MSH3: variants seen among roughly 807,000 people sequenced by gnomAD.
MSH3 encodes DNA mismatch repair protein Msh3.
In MSH3, 106 loss-of-function variants were observed where a neutral mutation model predicts 123.3. The observed-to-expected ratio is 0.86, with a 90% CI of 0.73 to 1.01. MSH3 has a LOEUF of 1.01. Ranked by LOEUF, MSH3 falls within the 50% of genes least tolerant of loss-of-function variation. The pLI is 0.00. For synonymous variants in MSH3, 515 were observed against 481.4 expected, an observed-to-expected ratio of 1.07 and a Z score of -0.91; for missense variants, 1,459 against 1,347.6, an observed-to-expected ratio of 1.08 and a Z score of -1.29.
In MSH3 at chr5:80,783,766, T is replaced by C. The variant is rs1744449616; in HGVS notation, c.2436-3799T>C. ...TTTGTTACTGCTAAAGCTTTGATAC[T>C]CATGTCCAGAGAGGCAAGGGCAGAA... On this transcript the variant is annotated intron_variant, in intron 17 of 23. Coordinates refer to ENST00000265081, the MANE Select transcript of MSH3 (RefSeq NM_002439.5). Among the ~76,000 whole-genome samples, 4 of 152,160 alleles carry C rather than the reference T, an allele frequency of 2.6e-5. No homozygotes were observed. The South Asian group carries it at 8.3e-4, about 32-fold the overall frequency.
chr5:80,725,439 C>T lies in MSH3; in HGVS notation c.1341-14C>T. On this transcript the variant is annotated splice_polypyrimidine_tract_variant and intron_variant, in intron 8 of 23. Coordinates refer to ENST00000265081, the MANE Select transcript of MSH3 (RefSeq NM_002439.5). ...TGGATAAGTTATCTTTGAAATTTTC[C>T]TTTTTTCTTTCAGTGTGCAGGATGA... 1 of 1,595,776 alleles carries T rather than the reference C, an allele frequency of 6.3e-7. No individual in the cohort carries two copies. The highest frequency in any genetic ancestry group is 8.6e-7 in the Non-Finnish European group (1 of 1,164,282).
intron 12 of MSH3, among the ~76,000 whole-genome samples, chr5:80,747,346 C>T (rs1276793770): frequency 2.0e-5 from 3 of 151,858 alleles, no homozygotes; most frequent in Non-Finnish European, 2.9e-5. Context: ...TGTTGTTAGG[C>T]GCCGAATCAT....
intron 8 of MSH3, among the ~76,000 whole-genome samples, chr5:80,716,635 G>A (rs1750967354): frequency 6.6e-6 from 1 of 151,898 alleles, no homozygotes; most frequent in Admixed American, 6.6e-5. Flanking sequence ...TATTTATGGG[G>A]TACATGTGAT....
chr5:80,691,948 T>TATAGATAAACATGTATATGTTTAG (rs1750273485), intron 8 of MSH3, among the ~76,000 whole-genome samples: 1 of 82,786 alleles, frequency 1.2e-5, no homozygotes, highest in African/African-American at 4.0e-5. Flanking sequence ...TATATGTTTA[T>TATAGATAAACATGTATATGTTTAG]ATAGATAAAC....
At chr5:80,684,065 C>T (rs1750030662) in intron 8 of MSH3, among the ~76,000 whole-genome samples, 1 of 152,094 alleles carries the variant, frequency 6.6e-6, no homozygotes, top group East Asian at 1.9e-4. Context: ...ATGCCAGTAC[C>T]ATGCCATTTT....
intron 12 of MSH3, among the ~76,000 whole-genome samples, chr5:80,752,178 A>G (rs1047884898): frequency 2.6e-5 from 4 of 152,046 alleles, no homozygotes; most frequent in African/African-American, 9.7e-5. Context: ...CTAGGAAGAA[A>G]GAAGCAGAGG....
chr5:80,724,671 A>G (rs1362195564), intron 8 of MSH3, among the ~76,000 whole-genome samples: 1 of 152,218 alleles, frequency 6.6e-6, no homozygotes, highest in Non-Finnish European at 1.5e-5. Flanking sequence ...CTAATTTACT[A>G]TATTTGACTG....
chr5:80,824,280 G>T (rs538636770), intron 20 of MSH3, among the ~76,000 whole-genome samples: 4 of 152,204 alleles, frequency 2.6e-5, no homozygotes, highest in African/African-American at 9.6e-5. Flanking sequence ...CCGGGCAGAG[G>T]CGCCCCTCAC....
chr5:80,823,033 G>A (rs773985336), intron 20 of MSH3, among the ~76,000 whole-genome samples: 1 of 152,174 alleles, frequency 6.6e-6, no homozygotes, highest in Non-Finnish European at 1.5e-5. Context: ...CTTGGTCCTG[G>A]TGGGTAGTGT....
At chr5:80,716,294 T>C (rs906249801) in intron 8 of MSH3, among the ~76,000 whole-genome samples, 4 of 152,238 alleles carry the variant, frequency 2.6e-5, no homozygotes, top group Non-Finnish European at 4.4e-5. Flanking sequence ...CAGTAAACTT[T>C]TATTTAGAGT....
chr5:80,717,256 C>A (rs182581605), intron 8 of MSH3, among the ~76,000 whole-genome samples: 2 of 152,244 alleles, frequency 1.3e-5, no homozygotes, highest in East Asian at 1.9e-4. Flanking sequence ...TGTAATAGTT[C>A]TATTTTTATT....
chr5:80,783,900 C>G (rs776455810), intron 17 of MSH3, among the ~76,000 whole-genome samples: 4 of 152,110 alleles, frequency 2.6e-5, no homozygotes, highest in Non-Finnish European at 5.9e-5. Flanking sequence ...AAGAGGGCAA[C>G]AAGTGGTCAG....
intron 19 of MSH3, among the ~76,000 whole-genome samples, chr5:80,805,131 T>A (rs1431033593): frequency 1.3e-5 from 2 of 152,250 alleles, no homozygotes; most frequent in Non-Finnish European, 2.9e-5. Context: ...ACAACTTTCA[T>A]CACATTTCAT....
intron 2 of MSH3, among the ~76,000 whole-genome samples, chr5:80,662,225 G>A (rs1370533787): frequency 1.3e-5 from 2 of 152,160 alleles, no homozygotes; most frequent in Non-Finnish European, 2.9e-5. Flanking sequence ...TAACCCGGGA[G>A]CAATAAACTA....
intron 19 of MSH3, among the ~76,000 whole-genome samples, chr5:80,795,912 G>A (rs187283948): frequency 2.7e-4 from 41 of 151,676 alleles, no homozygotes; most frequent in African/African-American, 9.7e-4. Flanking sequence ...TCAGGAGGCT[G>A]AGGCAGGAGA....
chr5:80,696,164 G>A (rs1282958020), intron 8 of MSH3, among the ~76,000 whole-genome samples: 1 of 152,194 alleles, frequency 6.6e-6, no homozygotes, highest in African/African-American at 2.4e-5. Flanking sequence ...GGGAGTCTCA[G>A]TACTGCCTAG....
intron 18 of MSH3, among the ~76,000 whole-genome samples, chr5:80,791,798 G>A (rs958005511): frequency 6.6e-6 from 1 of 152,168 alleles, no homozygotes; most frequent in Non-Finnish European, 1.5e-5. Flanking sequence ...AAATCACAAC[G>A]AGTGTGATGC....
At chr5:80,871,174 T>C (rs2112126317) in intron 22 of MSH3, among the ~76,000 whole-genome samples, 1 of 152,260 alleles carries the variant, frequency 6.6e-6, no homozygotes. Flanking sequence ...TCAAAAGGCT[T>C]CAGCCAGCCC....
At chr5:80,845,191 T>G (rs1745698974) in intron 20 of MSH3, among the ~76,000 whole-genome samples, 1 of 152,216 alleles carries the variant, frequency 6.6e-6, no homozygotes, top group African/African-American at 2.4e-5. Context: ...AGATTCTGGG[T>G]TGAAAATTCT....
Sources: allele counts gnomAD v4.1 joint callset (sites outside exome capture counted in the v4.1 genomes callset), GRCh38; gene constraint gnomAD v4.1.1; transcripts MANE v1.5; gene names NCBI Gene and HGNC (gene_info 2026-07-23, HGNC 2026-07-21).